Variants in ETV6 observed in about 807,000 individuals in gnomAD.
The protein encoded by ETV6 is ETS variant transcription factor 6, also known as transcription factor ETV6.
In ETV6, 16 loss-of-function variants were observed where a neutral mutation model predicts 51.1. The ratio of observed to expected loss-of-function variants is 0.31; its 90% CI spans 0.21 to 0.48. The LOEUF (loss-of-function observed/expected upper bound fraction) is 0.48. ETV6 is among the 20% of genes least tolerant of loss of function. The probability of loss-of-function intolerance (pLI) is 0.99; values close to 1 mark genes in which losing one functional copy is unlikely to be tolerated. For missense variants in ETV6, 458 were observed against 594.8 expected, an observed-to-expected ratio of 0.77 and a Z score of 2.39; for synonymous variants, 240 against 224.1, an observed-to-expected ratio of 1.07 and a Z score of -0.64.
chr12:11,675,052 C>T (rs1201341642), intron 1 of ETV6, among the ~76,000 whole-genome samples: 6 of 152,210 alleles, frequency 3.9e-5, no homozygotes, highest in African/African-American at 1.4e-4. Context: ...TCTTTTTGCA[C>T]GCATATGTCT....
intron 5 of ETV6, among the ~76,000 whole-genome samples, chr12:11,879,037 T>C (rs1947044019): frequency 6.6e-6 from 1 of 152,104 alleles, no homozygotes; most frequent in Non-Finnish European, 1.5e-5. Flanking sequence ...CAGAAATGCC[T>C]CCAGATATTG....
At chr12:11,789,384 G>T (rs147525460) in intron 2 of ETV6, among the ~76,000 whole-genome samples, 3 of 151,982 alleles carry the variant, frequency 2.0e-5, no homozygotes, top group Non-Finnish European at 4.4e-5. Flanking sequence ...TAATTCATCC[G>T]CCCTGCCTCA....
chr12:11,875,425 G>A (rs1946968063), intron 5 of ETV6, among the ~76,000 whole-genome samples: 1 of 152,194 alleles, frequency 6.6e-6, no homozygotes, highest in African/African-American at 2.4e-5. Flanking sequence ...CTATTTAGGA[G>A]CAAGGAGCCT....
chr12:11,835,941 C>G (rs1199951501), intron 2 of ETV6, among the ~76,000 whole-genome samples: 1 of 152,180 alleles, frequency 6.6e-6, no homozygotes, highest in Non-Finnish European at 1.5e-5. Flanking sequence ...TGCGTTGGGC[C>G]TCAGTTTCCT....
chr12:11,873,341 G>T (rs966669387), intron 5 of ETV6, among the ~76,000 whole-genome samples: 1 of 152,132 alleles, frequency 6.6e-6, no homozygotes, highest in African/African-American at 2.4e-5. Context: ...CCACTCTTCT[G>T]ATGTCTTTCT....
intron 2 of ETV6, among the ~76,000 whole-genome samples, chr12:11,822,884 A>G (rs17819001): frequency 0.059 from 8,924 of 152,312 alleles, 371 homozygotes; most frequent in Non-Finnish European, 0.087. Context: ...CCAAAGCTCA[A>G]TAATTCAGCT....
intron 7 of ETV6, among the ~76,000 whole-genome samples, chr12:11,888,742 G>A (rs1244219344): frequency 6.6e-6 from 1 of 151,914 alleles, no homozygotes; most frequent in Non-Finnish European, 1.5e-5. Flanking sequence ...TCACTCTGTT[G>A]CCCAGGCTAG....
intron 1 of ETV6, among the ~76,000 whole-genome samples, chr12:11,680,247 T>TA (rs1431082952): frequency 6.6e-6 from 1 of 152,228 alleles, no homozygotes; most frequent in African/African-American, 2.4e-5. Flanking sequence ...ATAAAAAGCT[T>TA]ACACTTGTTG....
rs1273116716 is a variant in ETV6 at position 11,869,805 on chromosome 12, G to A, written c.845G>A (p.Arg282Gln). The stretch of plus-strand genomic sequence containing the variant: ...ATGCACCCTCTGATCCTGAACCCCC[G>A]GCACTCCGTGGATTTCAAACAGTCC... The part of the protein sequence containing the change: ...PIMHPLILNP[R>Q]HSVDFKQSRL... Residue 282 changes from arginine (R) to glutamine (Q), a missense_variant, in exon 5 of 8, where the codon CGG (arginine) becomes CAG (glutamine). Physicochemically the swap from Arg to Gln is conservative, Grantham distance 43. Around this residue, in one of 4 missense-constraint regions of ETV6, gnomAD observed 293 missense variants for 315.7 expected, o/e 0.93. Coordinates refer to ENST00000396373, the MANE Select transcript of ETV6 (RefSeq NM_001987.5). The surrounding 1 kb of genome is among the most constrained non-coding windows in gnomAD (Gnocchi z 5.0). 8 of 1,613,158 alleles carry A rather than the reference G, an allele frequency of 5.0e-6. No individual in the cohort carries two copies. Among genetic ancestry groups the A allele is most frequent in the Non-Finnish European group, 5.1e-6 (6 of 1,180,020 alleles).
chr12:11,871,991 C>G (rs765630527), intron 5 of ETV6, among the ~76,000 whole-genome samples: 1 of 152,182 alleles, frequency 6.6e-6, no homozygotes, highest in Non-Finnish European at 1.5e-5. Context: ...TATAAATGAC[C>G]CATCTCGTGC....
At chr12:11,666,269 C>G (rs986910346) in intron 1 of ETV6, among the ~76,000 whole-genome samples, 1 of 152,062 alleles carries the variant, frequency 6.6e-6, no homozygotes, top group South Asian at 2.1e-4. Flanking sequence ...CTTGAGTCAG[C>G]TCTTTCCAGT....
intron 2 of ETV6, among the ~76,000 whole-genome samples, chr12:11,760,519 G>T (rs1268019891): frequency 1.3e-5 from 2 of 152,206 alleles, no homozygotes; most frequent in African/African-American, 2.4e-5. Flanking sequence ...TGAGGAGGGT[G>T]AAGGTTTGTA....
At chr12:11,794,831 A>T (rs1945653737) in intron 2 of ETV6, among the ~76,000 whole-genome samples, 1 of 152,242 alleles carries the variant, frequency 6.6e-6, no homozygotes, top group African/African-American at 2.4e-5. Flanking sequence ...CCATTGAGGC[A>T]TACATTTATT....
Position 11,739,504 on chromosome 12 carries a change from T to C in ETV6, c.34-12946T>C, listed in dbSNP as rs1865769181. Reference sequence around the variant, plus strand: ...TTCAGTTGTTAAAAACCTATTTAAGTGTGTTTGGAATAGCTTGGATATGTG... The same window carrying C: ...TTCAGTTGTTAAAAACCTATTTAAGCGTGTTTGGAATAGCTTGGATATGTG... On this transcript the variant is annotated intron_variant, in intron 1 of 7. Coordinates refer to ENST00000396373, the MANE Select transcript of ETV6 (RefSeq NM_001987.5). Among the ~76,000 whole-genome samples the C allele has an allele frequency of 2.0e-5, 3 of 152,250 alleles. 1 individual carries two copies. Among genetic ancestry groups the C allele is most frequent in the Non-Finnish European group, 1.5e-5 (1 of 67,976 alleles).
At chr12:11,723,342 C>T (rs1449323455) in intron 1 of ETV6, among the ~76,000 whole-genome samples, 1 of 152,134 alleles carries the variant, frequency 6.6e-6, no homozygotes, top group African/African-American at 2.4e-5. Context: ...CAGTACTTTG[C>T]AAGGATTATC....
chr12:11,776,377 T>C (rs993261315), intron 2 of ETV6, among the ~76,000 whole-genome samples: 1 of 152,086 alleles, frequency 6.6e-6, no homozygotes, highest in Admixed American at 6.5e-5. Context: ...TAATAAAATA[T>C]CAGTTTTTGT....
chr12:11,686,485 G>C (rs1367995905), intron 1 of ETV6, among the ~76,000 whole-genome samples: 1 of 152,192 alleles, frequency 6.6e-6, no homozygotes, highest in Non-Finnish European at 1.5e-5. Flanking sequence ...AAGGGTCTGG[G>C]ATGTTTTTGG....
intron 2 of ETV6, among the ~76,000 whole-genome samples, chr12:11,787,248 C>CT (rs1474575583): frequency 4.6e-5 from 7 of 152,144 alleles, no homozygotes; most frequent in African/African-American, 1.2e-4. Flanking sequence ...AATGTCATAG[C>CT]TTTGTTGTCT....
intron 2 of ETV6, among the ~76,000 whole-genome samples, chr12:11,808,679 G>A (rs908513335): frequency 1.3e-5 from 2 of 152,186 alleles, no homozygotes; most frequent in African/African-American, 2.4e-5. Context: ...AATCCCTTGT[G>A]TATGCAGAGG....
Sources: gnomAD v4.1 joint callset for allele counts (sites outside exome capture counted in the v4.1 genomes callset) on GRCh38, gnomAD v4.1.1 for gene constraint, gnomAD v4.1.1 regional missense constraint, Gnocchi (gnomAD v3.1) non-coding constraint, MANE v1.5 for transcripts, NCBI Gene and HGNC (gene_info 2026-07-23, HGNC 2026-07-21) for gene names.